Variants in TRPM1 observed in about 807,000 individuals in gnomAD.
The protein encoded by TRPM1 is TRPM1-203 APA Isoform, Intron 10.
TRPM1 carries 113 observed loss-of-function variants against 149.4 expected under a neutral mutation model. The observed-to-expected ratio is 0.76, with a 90% confidence interval of 0.65 to 0.88. The LOEUF (loss-of-function observed/expected upper bound fraction) is 0.88, where lower values mean the gene tolerates loss of function less well. Ranked by LOEUF, TRPM1 falls within the 40% of genes least tolerant of loss-of-function variation. The pLI, the probability that TRPM1 is intolerant of heterozygous loss-of-function variation, is 0.00. For synonymous variants in TRPM1, 741 were observed against 759.5 expected (o/e 0.98, Z 0.40); for missense variants, 1,976 against 2,038.7 (o/e 0.97, Z 0.59).
At chr15:31,008,754 T>C (rs567136847) in intron 27 of TRPM1, among the ~76,000 whole-genome samples, 1 of 152,314 alleles carries the variant, frequency 6.6e-6, no homozygotes, top group Admixed American at 6.5e-5. Context: ...TACAAATAGA[T>C]AGCAACATTT....
chr15:31,114,747 C>A (rs966595292), intron 1 of TRPM1, among the ~76,000 whole-genome samples: 4 of 152,046 alleles, frequency 2.6e-5, no homozygotes, highest in Non-Finnish European at 5.9e-5. Context: ...TATTCTTCCA[C>A]AACAAAAGAA....
At chr15:31,035,901 T>C (rs2033346743) in intron 20 of TRPM1, 3 of 599,550 alleles carry the variant, frequency 5.0e-6, no homozygotes, top group Non-Finnish European at 8.9e-6. Flanking sequence ...TGACTTTTCA[T>C]TTTCTACATG....
intron 27 of TRPM1, among the ~76,000 whole-genome samples, chr15:31,017,993 T>A (rs188407560): frequency 6.6e-6 from 1 of 152,356 alleles, no homozygotes; most frequent in East Asian, 1.9e-4. Context: ...TGGAGTTCTG[T>A]AGTAAGCCAG....
intron 27 of TRPM1, among the ~76,000 whole-genome samples, chr15:31,023,554 G>A (rs1483186983): frequency 6.6e-6 from 1 of 152,194 alleles, no homozygotes; most frequent in Non-Finnish European, 1.5e-5. Flanking sequence ...AATGATGGAA[G>A]CCTGTACTAG....
chr15:31,140,038 A>C (rs1026409194), intron 1 of TRPM1, among the ~76,000 whole-genome samples: 7 of 151,234 alleles, frequency 4.6e-5, no homozygotes. Flanking sequence ...TTTGTGCTAC[A>C]GTTTGGATAT....
intron 1 of TRPM1, among the ~76,000 whole-genome samples, chr15:31,146,824 T>C (rs1187165390): frequency 1.3e-5 from 2 of 152,112 alleles, no homozygotes; most frequent in Non-Finnish European, 2.9e-5. Flanking sequence ...CCATCTCTAC[T>C]AAAAATACAA....
In TRPM1 at chr15:31,002,654, G is replaced by A; in HGVS notation, c.4046C>T (p.Ser1349Leu). ...VPECQNSLHL[S>L]LGTSTSATPD... Reference sequence around the variant, plus strand: ...GGTTGCTGATGTGCTTGTGCCCAGTGAAAGGTGAAGACTGTTCTGACATTC... The same window carrying A: ...GGTTGCTGATGTGCTTGTGCCCAGTAAAAGGTGAAGACTGTTCTGACATTC... The change falls in exon 28 of 28, where the codon TCA becomes TTA. Residue 1349 changes from serine (S) to leucine (L), a missense_variant. By Grantham distance (145) the Ser-to-Leu change is moderately radical. Around this residue, in one of 3 missense-constraint regions of TRPM1, gnomAD observed 572 missense variants for 578.9 expected, o/e 0.99. Transcript: ENST00000256552. 6.2e-7 allele frequency: 1 copy of A among 1,614,198 alleles called. No homozygotes were observed. Among genetic ancestry groups the A allele is most frequent in the Non-Finnish European group, 8.5e-7 (1 of 1,180,044 alleles).
At chr15:31,087,725 G>A (rs113221868) in intron 1 of TRPM1, among the ~76,000 whole-genome samples, 1 of 152,180 alleles carries the variant, frequency 6.6e-6, no homozygotes, top group Non-Finnish European at 1.5e-5. Context: ...CAACAGGGAT[G>A]GACTTTGAGG....
intron 1 of TRPM1, among the ~76,000 whole-genome samples, chr15:31,119,021 C>T (rs1416015390): frequency 2.0e-5 from 3 of 152,088 alleles, no homozygotes; most frequent in Non-Finnish European, 4.4e-5. Context: ...GGGCAGATCA[C>T]CTGAGGTCAG....
At chr15:31,155,763 C>T (rs1311276123) in intron 1 of TRPM1, among the ~76,000 whole-genome samples, 1 of 152,042 alleles carries the variant, frequency 6.6e-6, no homozygotes. Context: ...CCTTTTTTCT[C>T]TCTTGCCCAA....
In TRPM1 at chr15:31,086,589, C is replaced by T. The variant is rs533389958; in HGVS notation, c.-83-5151G>A. On this transcript the variant is annotated intron_variant, in intron 1 of 27. Transcript: ENST00000256552. The stretch of plus-strand genomic sequence containing the variant: ...CCTGTGGGTGCCTAGGTCAGCATCC[C>T]CACCTCTCCCAGCAGGGGCTCCAGG... 3.3e-5 allele frequency among the ~76,000 whole-genome samples: 5 copies of T among 152,306 alleles called. No individual in the cohort carries two copies. In the South Asian group the frequency reaches 8.3e-4, roughly 25 times the overall value.
At chr15:31,138,266 G>C (rs1461295665) in intron 1 of TRPM1, among the ~76,000 whole-genome samples, 1 of 152,076 alleles carries the variant, frequency 6.6e-6, no homozygotes, top group East Asian at 1.9e-4. Flanking sequence ...AAAAGAGCCT[G>C]CCAGCCCTCT....
At chr15:31,037,311 T>C (rs2033433135) in intron 20 of TRPM1, among the ~76,000 whole-genome samples, 1 of 152,258 alleles carries the variant, frequency 6.6e-6, no homozygotes, top group Non-Finnish European at 1.5e-5. Flanking sequence ...GATTTAGCCA[T>C]GCCCTTGTAA....
intron 21 of TRPM1, among the ~76,000 whole-genome samples, chr15:31,033,613 G>A (rs1277378680): frequency 6.6e-6 from 1 of 152,208 alleles, no homozygotes; most frequent in African/African-American, 2.4e-5. Context: ...CCCTTCAGTT[G>A]CAGAGGTCTT....
intron 13 of TRPM1, among the ~76,000 whole-genome samples, chr15:31,048,452 C>G (rs1170141829): frequency 2.6e-5 from 4 of 152,030 alleles, no homozygotes; most frequent in Admixed American, 6.6e-5. Flanking sequence ...GAAATACTTT[C>G]TGTTGCATTT....
chr15:31,028,194 T>G lies in TRPM1; in HGVS notation c.3293+138A>C, dbSNP rs1038645567. ...ACTGATTAAGTTTGAACAAAGAGAC[T>G]GCAAAAATTGGATCTACTTAAAAAC... On this transcript the variant is annotated intron_variant, in intron 25 of 27. Transcript: ENST00000256552. The G allele has an allele frequency of 6.8e-6, 7 of 1,029,370 alleles. No homozygotes were observed. The East Asian group carries it at 1.7e-4, about 26-fold the overall frequency. The allele number at this position is 1,029,370 out of a possible 1,614,324, so 63.8% of individuals were successfully genotyped here.
rs961819014 is a variant in TRPM1 at position 31,038,669 on chromosome 15, G to A, written c.2317-503C>T. On this transcript the variant is annotated intron_variant, in intron 18 of 27. Coordinates refer to ENST00000256552, the MANE Select transcript of TRPM1 (RefSeq NM_001252024.2). The stretch of plus-strand genomic sequence containing the variant: ...GGAGCTTGCAGTGAGGCGAGATCGC[G>A]CCACTGCACTCCAGCCTGGGTGACA... Among the ~76,000 whole-genome samples, 6 of 152,202 alleles carry A rather than the reference G, an allele frequency of 3.9e-5. No individual in the cohort carries two copies. The East Asian group carries it at 5.8e-4, about 15-fold the overall frequency.
chr15:31,136,235 G>A (rs931876648), intron 1 of TRPM1, among the ~76,000 whole-genome samples: 17 of 152,106 alleles, frequency 1.1e-4, no homozygotes, highest in Non-Finnish European at 2.4e-4. Flanking sequence ...CAGGCTCCAT[G>A]GGGTCACCAA....
rs747456357 is a variant in TRPM1, at chr15:31,002,650, C to G, written c.4050G>C (p.Leu1350=). The stretch of plus-strand genomic sequence containing the variant: ...CTGGGGTTGCTGATGTGCTTGTGCC[C>G]AGTGAAAGGTGAAGACTGTTCTGAC... The part of the protein sequence containing the change: ...PECQNSLHLS[L]GTSTSATPDG... The change falls in exon 28 of 28, where the codon CTG becomes CTC. Residue 1350 remains leucine (L), a synonymous_variant. Coordinates refer to ENST00000256552, the MANE Select transcript of TRPM1 (RefSeq NM_001252024.2). The G allele has an allele frequency of 1.2e-6, 2 of 1,614,036 alleles. No homozygotes were observed. The highest frequency in any genetic ancestry group is 2.2e-5 in the East Asian group (1 of 44,896).
Sources: allele counts gnomAD v4.1 joint callset (sites outside exome capture counted in the v4.1 genomes callset), GRCh38; gene constraint gnomAD v4.1.1; regional missense constraint gnomAD v4.1.1; transcripts MANE v1.5; gene names NCBI Gene and HGNC (gene_info 2026-07-23, HGNC 2026-07-21).